Variants in IPCEF1 observed in about 807,000 individuals in gnomAD.
IPCEF1 encodes the protein interaction protein for cytohesin exchange factors 1, also known as interactor protein for cytohesin exchange factors 1.
In IPCEF1, 31 loss-of-function variants were observed where a neutral mutation model predicts 50.9. The ratio of observed to expected loss-of-function variants is 0.61; its 90% CI spans 0.46 to 0.82. The LOEUF is 0.82. IPCEF1 is among the 40% of genes least tolerant of loss of function. The pLI is 0.00. For synonymous variants in IPCEF1, 181 were observed against 192.0 expected (o/e 0.94, Z 0.47); for missense variants, 458 against 514.0 (o/e 0.89, Z 1.05).
chr6:154,215,585 A>G (rs189743801), intron 7 of IPCEF1, among the ~76,000 whole-genome samples: 38 of 152,280 alleles, frequency 2.5e-4, no homozygotes, highest in African/African-American at 7.9e-4. Context: ...CAGCCTGGGC[A>G]ACAAGAGCGA....
chr6:154,179,609 A>G (rs966067237), intron 10 of IPCEF1, among the ~76,000 whole-genome samples: 4 of 152,182 alleles, frequency 2.6e-5, no homozygotes, highest in African/African-American at 9.7e-5. Flanking sequence ...TTCCTACATA[A>G]AACAGCAGGA....
chr6:154,345,213 G>A (rs1784004699), intron 1 of IPCEF1, among the ~76,000 whole-genome samples: 3 of 152,202 alleles, frequency 2.0e-5, no homozygotes, highest in Admixed American at 6.5e-5. Context: ...TGTTGTCACT[G>A]TAAATTAGTA....
intron 5 of IPCEF1, among the ~76,000 whole-genome samples, chr6:154,228,417 T>C (rs1315533564): frequency 6.6e-6 from 1 of 152,190 alleles, no homozygotes; most frequent in Non-Finnish European, 1.5e-5. Flanking sequence ...AACCCATCGT[T>C]TGGCCATTGT....
At chr6:154,326,166 G>A (rs2015759) in intron 1 of IPCEF1, among the ~76,000 whole-genome samples, 3,175 of 150,664 alleles carry the variant, frequency 0.021, 57 homozygotes, top group Non-Finnish European at 0.032. Flanking sequence ...AGGCTGCAGT[G>A]AGCCAAGATT....
rs145940087 is a variant in IPCEF1, at chr6:154,327,764, T to C, written c.-62+28908A>G. Among the ~76,000 whole-genome samples the C allele has an allele frequency of 4.6e-5, 7 of 152,308 alleles. No homozygotes were observed. In the East Asian group the frequency reaches 7.7e-4, roughly 17 times the overall value. Reference sequence around the variant, plus strand: ...GAAATCATTCTATTATAAAGATACATGCACACATATGTTCATTGCAGCACT... The same window carrying C: ...GAAATCATTCTATTATAAAGATACACGCACACATATGTTCATTGCAGCACT... On this transcript the variant is annotated intron_variant, in intron 1 of 11. Coordinates refer to ENST00000367220, the MANE Select transcript of IPCEF1 (RefSeq NM_001130700.2).
At chr6:154,244,301 G>GGTGTGTGT (rs10674508) in intron 5 of IPCEF1, among the ~76,000 whole-genome samples, 52 of 148,058 alleles carry the variant, frequency 3.5e-4, no homozygotes, top group African/African-American at 7.7e-4. Flanking sequence ...TGTGTGGGTG[G>GGTGTGTGT]GTGTGTGTGT....
Position 154,307,932 on chromosome 6 carries a change from G to C in IPCEF1, c.-61-18176C>G, listed in dbSNP as rs1463228446. Among the ~76,000 whole-genome samples the C allele has an allele frequency of 2.6e-5, 4 of 152,136 alleles. No individual in the cohort carries two copies. The East Asian group carries it at 7.7e-4, about 29-fold the overall frequency. The stretch of plus-strand genomic sequence containing the variant: ...ACCCACTGACAAATAGTCACAACCA[G>C]CAAGCAAACAGAACACTTCCCAGGA... On this transcript the variant is annotated intron_variant, in intron 1 of 11. Transcript: ENST00000367220.
chr6:154,225,786 A>AGG (rs1779201643), intron 5 of IPCEF1, among the ~76,000 whole-genome samples: 1 of 152,238 alleles, frequency 6.6e-6, no homozygotes, highest in East Asian at 1.9e-4. Context: ...TGTTAGGCTA[A>AGG]GGCGTTTTTA....
At chr6:154,215,514 G>A (rs985555395) in intron 7 of IPCEF1, among the ~76,000 whole-genome samples, 2 of 152,098 alleles carry the variant, frequency 1.3e-5, no homozygotes, top group Admixed American at 1.3e-4. Context: ...TCTGAGGCAG[G>A]AGAATCACTT....
At chr6:154,202,303 A>C (rs1777135108) in intron 9 of IPCEF1, among the ~76,000 whole-genome samples, 1 of 152,218 alleles carries the variant, frequency 6.6e-6, no homozygotes, top group South Asian at 2.1e-4. Flanking sequence ...GTTACCTTAC[A>C]TCACTTAGAT....
At chr6:154,265,885 G>C (rs1185680058) in intron 3 of IPCEF1, 27 bp downstream of exon 3, 16 of 1,537,692 alleles carry the variant, frequency 1.0e-5, no homozygotes, top group Non-Finnish European at 1.4e-5. Flanking sequence ...AATATCTAAA[G>C]CCTGGGGTAT....
intron 3 of IPCEF1, 76 bp downstream of exon 3, chr6:154,265,836 T>G: frequency 9.6e-7 from 1 of 1,046,354 alleles, no homozygotes; most frequent in Non-Finnish European, 1.4e-6. Flanking sequence ...TAGCCAAACT[T>G]GAAATCAACC....
chr6:154,167,895 C>A, intron 11 of IPCEF1, 25 bp downstream of exon 11: 1 of 1,538,986 alleles, frequency 6.5e-7, no homozygotes, highest in South Asian at 1.2e-5. Context: ...CCATAGAGTT[C>A]ATCCACAATT....
rs1304301838 is a variant in IPCEF1, at chr6:154,159,645, G to A, written c.*183C>T. The A allele has an allele frequency of 1.3e-5, 8 of 605,058 alleles. No homozygotes were observed. The highest frequency in any genetic ancestry group is 2.3e-5 in the Non-Finnish European group (8 of 347,388). The allele number at this position is 605,058 out of a possible 1,614,324, so 37.5% of individuals were successfully genotyped here. On this transcript the variant is annotated 3_prime_UTR_variant, in exon 12 of 12. Transcript: ENST00000367220. ...ATTCCAATCTCAATGGATGCGTTACGACTGAAATGAGGAGCCCTGGTGTAT... is the reference window on the plus strand; with the variant it reads ...ATTCCAATCTCAATGGATGCGTTACAACTGAAATGAGGAGCCCTGGTGTAT...
Position 154,223,218 on chromosome 6 carries a change from T to A in IPCEF1, c.272A>T (p.Asn91Ile). The change falls in exon 6 of 12, where the codon AAC becomes ATC. Residue 91 changes from asparagine to isoleucine, a missense_variant. Transcript: ENST00000367220. ...TCTTTCCACAGTGAAATCAGGCAGG[T>A]TGACAAATCCATCAGCTTTCTCTGC... Reference protein sequence around the residue: ...QMAEKADGFVNLPDFTVERAS... With the variant: ...QMAEKADGFVILPDFTVERAS... 3 of 1,613,620 alleles carry A rather than the reference T, an allele frequency of 1.9e-6. No homozygotes were observed. Among genetic ancestry groups the A allele is most frequent in the Non-Finnish European group, 2.5e-6 (3 of 1,179,946 alleles).
chr6:154,172,369 G>A (rs1203520666), intron 10 of IPCEF1, among the ~76,000 whole-genome samples: 1 of 152,182 alleles, frequency 6.6e-6, no homozygotes, highest in Non-Finnish European at 1.5e-5. Context: ...GGGGTCGGGG[G>A]ATTTCCCTTT....
rs1358367146 is a variant in IPCEF1 at position 154,204,967 on chromosome 6, T to C, written c.538-4927A>G. On this transcript the variant is annotated intron_variant, in intron 9 of 11. Transcript: ENST00000367220. ...GCCTTCTTTCTGTCCCATCACCACATCTCTGGTCCCTTCTGCCAGAAAGGC... is the reference window on the plus strand; with the variant it reads ...GCCTTCTTTCTGTCCCATCACCACACCTCTGGTCCCTTCTGCCAGAAAGGC... 2.0e-5 allele frequency among the ~76,000 whole-genome samples: 3 copies of C among 152,144 alleles called. No homozygotes were observed. The East Asian group carries it at 5.8e-4, about 29-fold the overall frequency.
At chr6:154,166,140 A>T (rs886424779) in intron 11 of IPCEF1, among the ~76,000 whole-genome samples, 2 of 152,256 alleles carry the variant, frequency 1.3e-5, no homozygotes, top group African/African-American at 4.8e-5. Context: ...GATTGTTTGG[A>T]GTTGCTAAGC....
chr6:154,214,002 T>G (rs1778179833), intron 8 of IPCEF1, among the ~76,000 whole-genome samples: 1 of 152,190 alleles, frequency 6.6e-6, no homozygotes. Context: ...GTGGGTGAAG[T>G]GTGAAAAGCA....
Sources: allele counts gnomAD v4.1 joint callset (sites outside exome capture counted in the v4.1 genomes callset), GRCh38; gene constraint gnomAD v4.1.1; transcripts MANE v1.5; gene names NCBI Gene and HGNC (gene_info 2026-07-23, HGNC 2026-07-21).